Variants in CNBD1 observed in about 807,000 individuals in gnomAD.
CNBD1 encodes cyclic nucleotide-binding domain-containing protein 1.
CNBD1 carries 71 observed loss-of-function variants against 54.4 expected under a neutral mutation model. The observed-to-expected ratio is 1.30, with a 90% CI of 1.08 to 1.59. The LOEUF (loss-of-function observed/expected upper bound fraction) is 1.59. Among genes scored for constraint, CNBD1 ranks in the 40% most tolerant of loss-of-function variants. CNBD1 has a pLI of 0.00. For synonymous variants in CNBD1, 182 were observed against 170.7 expected (o/e 1.07, Z -0.51); for missense variants, 659 against 518.0 (o/e 1.27, Z -2.64).
At chr8:87,426,022 G>T (rs560416450) in intron 2 of CNBD1, among the ~76,000 whole-genome samples, 11 of 152,330 alleles carry the variant, frequency 7.2e-5, no homozygotes, top group East Asian at 1.9e-4. Context: ...ATCTCGTGGT[G>T]CACCGTTTTT....
At chr8:87,421,032 G>A (rs1251940454) in intron 2 of CNBD1, among the ~76,000 whole-genome samples, 3 of 151,694 alleles carry the variant, frequency 2.0e-5, no homozygotes, top group African/African-American at 4.8e-5. Flanking sequence ...TAACAAAATC[G>A]GTGCAGATAG....
chr8:86,937,097 C>T (rs1283629745), intron 3 of CNBD1, among the ~76,000 whole-genome samples: 1 of 152,100 alleles, frequency 6.6e-6, no homozygotes, highest in Non-Finnish European at 1.5e-5. Context: ...ACTAACAGTT[C>T]CACATGGCTG....
chr8:86,992,489 C>T (rs10955138), intron 4 of CNBD1, among the ~76,000 whole-genome samples: 104,225 of 151,790 alleles, frequency 0.69, 37,004 homozygotes, highest in East Asian at 0.95. Context: ...TATTGATATA[C>T]GAAATTTTGA....
intron 8 of CNBD1, among the ~76,000 whole-genome samples, chr8:87,298,686 G>A (rs865883463): frequency 2.6e-5 from 4 of 151,634 alleles, no homozygotes; most frequent in African/African-American, 4.8e-5. Context: ...GGGTTTCACC[G>A]TGTTGGCCAG....
chr8:86,931,359 G>C (rs888419718), intron 3 of CNBD1, among the ~76,000 whole-genome samples: 3 of 152,206 alleles, frequency 2.0e-5, no homozygotes, highest in Non-Finnish European at 4.4e-5. Flanking sequence ...CCTGTTGTTG[G>C]ATCATCTGGT....
chr8:87,285,208 AC>A (rs1808669583), intron 7 of CNBD1, among the ~76,000 whole-genome samples: 1 of 152,162 alleles, frequency 6.6e-6, no homozygotes, highest in Non-Finnish European at 1.5e-5. Context: ...TCTGTAGTCT[AC>A]TTTAAAAGGA....
chr8:87,015,921 C>T (rs1809345219), intron 4 of CNBD1, among the ~76,000 whole-genome samples: 1 of 126,808 alleles, frequency 7.9e-6, no homozygotes, highest in Non-Finnish European at 1.5e-5. Flanking sequence ...GCAGAGGTTG[C>T]AGCAAGCTGA....
chr8:87,184,553 A>G (rs897544692), intron 4 of CNBD1, among the ~76,000 whole-genome samples: 1 of 152,036 alleles, frequency 6.6e-6, no homozygotes, highest in African/African-American at 2.4e-5. Context: ...TTCCCTGCCA[A>G]CTCTAATGTC....
chr8:87,302,452 A>C (rs1322554168), intron 8 of CNBD1, among the ~76,000 whole-genome samples: 1 of 128,402 alleles, frequency 7.8e-6, no homozygotes, highest in Non-Finnish European at 1.8e-5. Context: ...TTCATGCTAA[A>C]AACTCTCAAT....
At chr8:87,342,089 C>G (rs1037213719) in intron 8 of CNBD1, among the ~76,000 whole-genome samples, 2 of 152,094 alleles carry the variant, frequency 1.3e-5, no homozygotes, top group Middle Eastern at 6.8e-3. Flanking sequence ...CTGGCTAACA[C>G]GGCGAAACCC....
At chr8:87,228,493 C>A (rs890741456) in intron 5 of CNBD1, among the ~76,000 whole-genome samples, 4 of 148,848 alleles carry the variant, frequency 2.7e-5, no homozygotes, top group Admixed American at 6.6e-5. Flanking sequence ...TGTTGGAGTA[C>A]CCTGCGGTGT....
intron 2 of CNBD1, among the ~76,000 whole-genome samples, chr8:87,414,174 A>C (rs993962699): frequency 1.3e-5 from 2 of 152,070 alleles, no homozygotes; most frequent in Non-Finnish European, 2.9e-5. Context: ...CATATACACC[A>C]TGGAATACTA....
chr8:87,255,530 T>A (rs1807993118), intron 6 of CNBD1, among the ~76,000 whole-genome samples: 1 of 152,074 alleles, frequency 6.6e-6, no homozygotes, highest in South Asian at 2.1e-4. Context: ...ATCTTAAATA[T>A]TTGAAAAATC....
intron 10 of CNBD1, among the ~76,000 whole-genome samples, chr8:87,355,356 TA>T (rs1235750298): frequency 6.6e-6 from 1 of 152,184 alleles, no homozygotes; most frequent in Non-Finnish European, 1.5e-5. Flanking sequence ...TCATTGCTTT[TA>T]TGTTTTTGGT....
chr8:87,023,896 T>C (rs1478500439), intron 4 of CNBD1, among the ~76,000 whole-genome samples: 1 of 152,164 alleles, frequency 6.6e-6, no homozygotes, highest in Non-Finnish European at 1.5e-5. Flanking sequence ...AATTATACAT[T>C]TTATTTGTGT....
intron 4 of CNBD1, among the ~76,000 whole-genome samples, chr8:87,028,578 C>T (rs921545362): frequency 6.6e-6 from 1 of 152,106 alleles, no homozygotes; most frequent in East Asian, 1.9e-4. Flanking sequence ...AATCCATCTC[C>T]CTGACTGATT....
At chr8:87,042,223 T>C (rs1224206847) in intron 4 of CNBD1, among the ~76,000 whole-genome samples, 1 of 152,214 alleles carries the variant, frequency 6.6e-6, no homozygotes, top group African/African-American at 2.4e-5. Context: ...ATACTAACTT[T>C]GAATTTGTCT....
At chr8:87,396,891 C>T (rs1342553881) in intron 2 of CNBD1, among the ~76,000 whole-genome samples, 8 of 139,442 alleles carry the variant, frequency 5.7e-5, no homozygotes, top group East Asian at 2.2e-4. Context: ...AGTTTGTTTT[C>T]TTTTTTTTTT....
intron 2 of CNBD1, among the ~76,000 whole-genome samples, chr8:87,409,206 A>G (rs1360463301): frequency 6.6e-6 from 1 of 152,172 alleles, no homozygotes; most frequent in African/African-American, 2.4e-5. Flanking sequence ...TCCGGTAAAC[A>G]TGCAAATAAT....
Sources: gnomAD v4.1 joint callset for allele counts (sites outside exome capture counted in the v4.1 genomes callset) on GRCh38, gnomAD v4.1.1 for gene constraint, MANE v1.5 for transcripts, NCBI Gene and HGNC (gene_info 2026-07-23, HGNC 2026-07-21) for gene names.